TENM3: variants seen among roughly 807,000 people sequenced by gnomAD.
The protein encoded by TENM3 is teneurin transmembrane protein 3, also known as teneurin-3.
Under a neutral mutation model 255.1 loss-of-function variants are expected in TENM3, and 63 were observed. The observed-to-expected ratio is 0.25, with a 90% CI of 0.20 to 0.30. The LOEUF (loss-of-function observed/expected upper bound fraction) is 0.30. Among genes scored for constraint, TENM3 ranks in the 10% least tolerant of loss-of-function variants. TENM3 has a pLI of 1.00. For missense variants in TENM3, 2,929 were observed against 3,461.1 expected (o/e 0.85, Z 3.86); for synonymous variants, 1,306 against 1,322.3 (o/e 0.99, Z 0.27).
At chr4:181,577,337 G>A in the TENM3 span, among the ~76,000 whole-genome samples, 3 of 150,434 alleles carry the variant, frequency 2.0e-5, no homozygotes, top group Non-Finnish European at 2.9e-5. Flanking sequence ...CACCGCACCC[G>A]GCCCCTCTCT....
chr4:182,379,361 A>G (rs1006047560), intron 3 of TENM3, among the ~76,000 whole-genome samples: 1 of 152,144 alleles, frequency 6.6e-6, no homozygotes, highest in Non-Finnish European at 1.5e-5. Context: ...CGTCTAAGAA[A>G]GAAAAAAGGG....
At chr4:181,881,310 A>C in the TENM3 span, among the ~76,000 whole-genome samples, 1 of 152,122 alleles carries the variant, frequency 6.6e-6, no homozygotes, top group South Asian at 2.1e-4. Flanking sequence ...ACCTAGCACC[A>C]ATAAGAAGAA....
At chr4:181,572,417 G>A in the TENM3 span, among the ~76,000 whole-genome samples, 11 of 152,122 alleles carry the variant, frequency 7.2e-5, no homozygotes, top group Non-Finnish European at 1.6e-4. Context: ...TCTATATTCA[G>A]TTAGAAAAAG....
At chr4:181,572,908 C>T in the TENM3 span, among the ~76,000 whole-genome samples, 1 of 152,134 alleles carries the variant, frequency 6.6e-6, no homozygotes. Context: ...CTTCCTAGCC[C>T]CTGGTAACCA....
intron 1 of TENM3, among the ~76,000 whole-genome samples, chr4:182,200,172 G>A (rs1053676091): frequency 2.0e-5 from 3 of 152,128 alleles, no homozygotes; most frequent in Non-Finnish European, 4.4e-5. Flanking sequence ...AACAACATGG[G>A]AAAATATCCG....
At chr4:181,665,523 G>A in the TENM3 span, among the ~76,000 whole-genome samples, 4 of 151,852 alleles carry the variant, frequency 2.6e-5, no homozygotes, top group South Asian at 2.1e-4. Context: ...GAATCATCGC[G>A]TGCGTGTGTG....
At chr4:182,770,793 C>A (rs1247843672) in intron 22 of TENM3, among the ~76,000 whole-genome samples, 1 of 152,190 alleles carries the variant, frequency 6.6e-6, no homozygotes, top group Non-Finnish European at 1.5e-5. Context: ...CTTTAGCTTG[C>A]ACGGAAAGGC....
chr4:182,593,027 A>C (rs897465847), intron 3 of TENM3, among the ~76,000 whole-genome samples: 3 of 152,248 alleles, frequency 2.0e-5, no homozygotes, highest in African/African-American at 7.2e-5. Context: ...TTTGAGCATT[A>C]GAAGAAATAA....
the TENM3 span, among the ~76,000 whole-genome samples, chr4:181,451,440 G>T: frequency 6.6e-6 from 1 of 152,200 alleles, no homozygotes; most frequent in African/African-American, 2.4e-5. Flanking sequence ...CTAGGTAGGA[G>T]ACTGATGAGG....
chr4:181,800,814 C>T, the TENM3 span, among the ~76,000 whole-genome samples: 1 of 152,026 alleles, frequency 6.6e-6, no homozygotes, highest in South Asian at 2.1e-4. Flanking sequence ...AGAACAGTAC[C>T]TAGGCTAGAA....
At chr4:182,621,884 A>G (rs35582415) in intron 4 of TENM3, among the ~76,000 whole-genome samples, 66,618 of 137,394 alleles carry the variant, frequency 0.48, 17,401 homozygotes, top group Admixed American at 0.66. Context: ...CTGAGGAAGC[A>G]GGATTACTTG....
At chr4:182,160,317 T>G (rs1475651717) in intron 1 of TENM3, among the ~76,000 whole-genome samples, 2 of 152,298 alleles carry the variant, frequency 1.3e-5, no homozygotes, top group Admixed American at 1.3e-4. Flanking sequence ...GGTTCTTTTT[T>G]TAAAAAAATG....
chr4:182,346,811 C>T lies in TENM3; in HGVS notation c.393C>T (p.Ala131=). ...AAGCAGTGATGTCCCCAGAGCATGC[C>T]ATGAGACTTTGGGGCAGGGGGGTCA... ...ENEAVMSPEH[A]MRLWGRGVKS... is the part of the protein sequence containing the mutation. The change falls in exon 3 of 28, where the codon GCC becomes GCT. Residue 131 remains alanine, a synonymous_variant. Transcript: ENST00000511685. 1 of 1,613,452 alleles carries T rather than the reference C, an allele frequency of 6.2e-7. No homozygotes were observed. The highest frequency in any genetic ancestry group is 8.5e-7 in the Non-Finnish European group (1 of 1,179,706).
the TENM3 span, among the ~76,000 whole-genome samples, chr4:181,575,574 C>A: frequency 6.6e-6 from 1 of 152,146 alleles, no homozygotes; most frequent in Non-Finnish European, 1.5e-5. Context: ...CTTTTTCTTG[C>A]AAACCATATT....
intron 1 of TENM3, among the ~76,000 whole-genome samples, chr4:182,233,326 G>T (rs369467858): frequency 6.6e-6 from 1 of 152,200 alleles, no homozygotes; most frequent in Non-Finnish European, 1.5e-5. Context: ...GCATGGTGGC[G>T]GCTCCTGGCC....
At chr4:182,680,396 G>A (rs745788095) in intron 9 of TENM3, 47 bp downstream of exon 9, 2 of 1,285,078 alleles carry the variant, frequency 1.6e-6, no homozygotes, top group Non-Finnish European at 2.2e-6. Context: ...ATAAGCTGTA[G>A]AAACACAAGT....
At chr4:182,080,828 T>TA in the TENM3 span, among the ~76,000 whole-genome samples, 47,568 of 151,822 alleles carry the variant, frequency 0.31, 7,815 homozygotes, top group Non-Finnish European at 0.36. Context: ...CCCGCCTTTA[T>TA]AAAAAATTAA....
the TENM3 span, among the ~76,000 whole-genome samples, chr4:181,578,200 G>T: frequency 6.6e-6 from 1 of 150,558 alleles, no homozygotes; most frequent in African/African-American, 2.5e-5. Context: ...TTTCTCTGGG[G>T]ATTGAGCTCT....
At chr4:181,452,976 A>G in the TENM3 span, among the ~76,000 whole-genome samples, 1 of 152,200 alleles carries the variant, frequency 6.6e-6, no homozygotes, top group Non-Finnish European at 1.5e-5. Flanking sequence ...CAAAAAAGAG[A>G]AACTAGAGAA....
Sources: gnomAD v4.1 joint callset for allele counts (sites outside exome capture counted in the v4.1 genomes callset) on GRCh38, gnomAD v4.1.1 for gene constraint, MANE v1.5 for transcripts, NCBI Gene and HGNC (gene_info 2026-07-23, HGNC 2026-07-21) for gene names.